BOD1L1: variants seen among roughly 807,000 people sequenced by gnomAD.
BOD1L1 encodes the protein biorientation of chromosomes in cell division protein 1-like 1.
BOD1L1 carries 86 observed loss-of-function variants against 240.7 expected under a neutral mutation model. The observed-to-expected ratio is 0.36, with a 90% CI of 0.30 to 0.43. The LOEUF is 0.43. Ranked by LOEUF, BOD1L1 falls within the 20% of genes least tolerant of loss-of-function variation. The probability of loss-of-function intolerance (pLI) is 1.00; values close to 1 mark genes in which losing one functional copy is unlikely to be tolerated. For synonymous variants in BOD1L1, 1,268 were observed against 1,272.3 expected (o/e 1.00, Z 0.07); for missense variants, 3,554 against 3,643.5 (o/e 0.98, Z 0.63).
rs1423023706 is a variant in BOD1L1, at chr4:13,599,022, G to A, written c.7878C>T (p.Asn2626=). The A allele has an allele frequency of 4.3e-6, 7 of 1,613,778 alleles. No individual in the cohort carries two copies. In the African/African-American group the frequency reaches 9.3e-5, roughly 22 times the overall value. The change falls in exon 10 of 26, where the codon AAC becomes AAT. Residue 2626 remains asparagine, a synonymous_variant. Transcript: ENST00000040738. ...QASAEKTGDD[N]STRKSFPEEG... ...CCTCAGGGAATGATTTCCTTGTGCTGTTATCATCTCCTGTTTTCTCAGCAG... is the reference window on the plus strand; with the variant it reads ...CCTCAGGGAATGATTTCCTTGTGCTATTATCATCTCCTGTTTTCTCAGCAG...
Position 13,603,614 on chromosome 4 carries a change from T to C in BOD1L1, c.3286A>G (p.Thr1096Ala), listed in dbSNP as rs371281244. Residue 1096 changes from threonine (T) to alanine (A), a missense_variant, in exon 10 of 26, where the codon ACT becomes GCT. This residue lies in a region of BOD1L1 where 3,393 missense variants were observed against 3,427.1 expected (regional missense o/e 0.99). Transcript: ENST00000040738. ...EEKLAANTLSTPSGSSLQRPK... is the reference protein window; with the variant it reads ...EEKLAANTLSAPSGSSLQRPK... ...CTCTGAAGGGAGGAACCGCTGGGAGTGCTCAAAGTGTTTGCTGCTAATTTT... is the reference window on the plus strand; with the variant it reads ...CTCTGAAGGGAGGAACCGCTGGGAGCGCTCAAAGTGTTTGCTGCTAATTTT... The C allele has an allele frequency of 2.6e-5, 42 of 1,613,876 alleles. No homozygotes were observed. The highest frequency in any genetic ancestry group is 3.5e-5 in the Non-Finnish European group (41 of 1,179,824).
intron 1 of BOD1L1, 66 bp downstream of exon 1, chr4:13,627,279 C>T: frequency 1.0e-6 from 1 of 961,292 alleles, no homozygotes; most frequent in Non-Finnish European, 1.3e-6. Flanking sequence ...GAAGCCACTG[C>T]AAAAGAAGCG....
Position 13,603,475 on chromosome 4 carries a change from T to G in BOD1L1, c.3425A>C (p.Asn1142Thr), listed in dbSNP as rs1007382249. The change falls in exon 10 of 26, where the codon AAT (asparagine) becomes ACT (threonine). Residue 1142 changes from asparagine to threonine, a missense_variant. By Grantham distance (65) the Asn-to-Thr change is moderately conservative. This residue lies in a region of BOD1L1 where 3,393 missense variants were observed against 3,427.1 expected (regional missense o/e 0.99). Coordinates refer to ENST00000040738, the MANE Select transcript of BOD1L1 (RefSeq NM_148894.3). ...GTCAATGTCTTGCTGAGAATTATTATTGCGGTTGTCTTGGGTTTTAGATAC... is the reference window on the plus strand; with the variant it reads ...GTCAATGTCTTGCTGAGAATTATTAGTGCGGTTGTCTTGGGTTTTAGATAC... ...FEVSKTQDNRNNNSQQDIDSE... is the reference protein window; with the variant it reads ...FEVSKTQDNRTNNSQQDIDSE... 2.5e-6 allele frequency: 4 copies of G among 1,613,862 alleles called. No individual in the cohort carries two copies. In the Admixed American group the frequency reaches 5.0e-5, roughly 20 times the overall value.
At chr4:13,618,032 C>G (rs1474382503) in intron 2 of BOD1L1, among the ~76,000 whole-genome samples, 1 of 152,154 alleles carries the variant, frequency 6.6e-6, no homozygotes, top group African/African-American at 2.4e-5. Context: ...CTGACACAGC[C>G]ACAAGAACCC....
At chr4:13,587,895 A>G (rs1052711501) in intron 15 of BOD1L1, 124 bp from the exon 16 acceptor site, 5 of 668,738 alleles carry the variant, frequency 7.5e-6, no homozygotes, top group Non-Finnish European at 1.2e-5. Context: ...TTAAAAATCT[A>G]GAACACTTGG....
intron 15 of BOD1L1, 35 bp from the exon 16 acceptor site, chr4:13,587,806 A>G: frequency 7.2e-7 from 1 of 1,382,452 alleles, no homozygotes; most frequent in Non-Finnish European, 1.0e-6. Context: ...AAGGCCATAG[A>G]ATCTTGATTC....
At chr4:13,615,247 C>A in intron 3 of BOD1L1, 65 bp downstream of exon 3, 1 of 1,429,930 alleles carries the variant, frequency 7.0e-7, no homozygotes, top group Non-Finnish European at 9.4e-7. Context: ...AGCCAAGTAT[C>A]CCTAACTTGA....
rs373005624 is a variant in BOD1L1, at chr4:13,601,652, G to A, written c.5248C>T (p.Arg1750Trp). Reference sequence around the variant, plus strand: ...GCACCTGTAACCATGCGTTCCTCCCGGGGCCCTGCTCCAGTTACTGAGCAG... The same window carrying A: ...GCACCTGTAACCATGCGTTCCTCCCAGGGCCCTGCTCCAGTTACTGAGCAG... ...VICSVTGAGP[R>W]EERMVTGAGV... The change falls in exon 10 of 26, where the codon CGG becomes TGG. Residue 1750 changes from arginine (R) to tryptophan (W), a missense_variant. Physicochemically the swap from Arg to Trp is moderately radical, Grantham distance 101. Around this residue, in one of 2 missense-constraint regions of BOD1L1, gnomAD observed 3,393 missense variants for 3,427.1 expected, o/e 0.99. Coordinates refer to ENST00000040738, the MANE Select transcript of BOD1L1 (RefSeq NM_148894.3). 1.1e-4 allele frequency: 185 copies of A among 1,613,742 alleles called. No individual in the cohort carries two copies. Among genetic ancestry groups the A allele is most frequent in the Non-Finnish European group, 1.4e-4 (166 of 1,179,870 alleles).
chr4:13,622,464 A>G (rs987296607), intron 1 of BOD1L1, among the ~76,000 whole-genome samples: 3 of 152,204 alleles, frequency 2.0e-5, no homozygotes, highest in African/African-American at 7.2e-5. Context: ...ACACACATAT[A>G]TTACACATAC....
chr4:13,573,120 C>T (rs919230336), intron 25 of BOD1L1, among the ~76,000 whole-genome samples: 8 of 151,834 alleles, frequency 5.3e-5, no homozygotes, highest in Non-Finnish European at 7.4e-5. Context: ...ATATACTGGC[C>T]GACAAAATAA....
rs762223239 is a variant in BOD1L1, at chr4:13,599,195, T to G, written c.7705A>C (p.Lys2569Gln). The change falls in exon 10 of 26, where the codon AAA (lysine) becomes CAA (glutamine). Residue 2569 changes from lysine to glutamine, a missense_variant. Physicochemically the swap from Lys to Gln is moderately conservative, Grantham distance 53. Coordinates refer to ENST00000040738, the MANE Select transcript of BOD1L1 (RefSeq NM_148894.3). ...TTTGATTCTTGGCCAGTAATACATT[T>G]GGTGGTACTGGTTTTCAAGTTGTCT... ...SEDNLKTSTT[K>Q]CITGQESKIA... The G allele has an allele frequency of 6.2e-7, 1 of 1,614,002 alleles. No homozygotes were observed. Among genetic ancestry groups the G allele is most frequent in the South Asian group, 1.1e-5 (1 of 91,086 alleles).
intron 1 of BOD1L1, among the ~76,000 whole-genome samples, chr4:13,626,981 G>T (rs555927406): frequency 1.2e-4 from 19 of 152,252 alleles, no homozygotes; most frequent in African/African-American, 4.3e-4. Context: ...TTACCGCCCA[G>T]AAACCTTCAA....
At chr4:13,616,943 AC>A (rs1293731691) in intron 2 of BOD1L1, among the ~76,000 whole-genome samples, 1 of 152,210 alleles carries the variant, frequency 6.6e-6, no homozygotes, top group Non-Finnish European at 1.5e-5. Context: ...GTTTTAGGGT[AC>A]AAGTAAAAAG....
At chr4:13,576,179 C>A (rs183463124) in intron 25 of BOD1L1, among the ~76,000 whole-genome samples, 5 of 151,722 alleles carry the variant, frequency 3.3e-5, no homozygotes, top group Non-Finnish European at 7.4e-5. Flanking sequence ...GGATTACAGG[C>A]GTGAGTCACC....
At chr4:13,619,240 T>C (rs528354224) in intron 2 of BOD1L1, among the ~76,000 whole-genome samples, 9 of 149,258 alleles carry the variant, frequency 6.0e-5, no homozygotes, top group African/African-American at 2.2e-4. Flanking sequence ...GCCCAGGAGA[T>C]TGAGGCTGCA....
At chr4:13,615,087 T>C (rs984223908) in intron 3 of BOD1L1, among the ~76,000 whole-genome samples, 3 of 152,338 alleles carry the variant, frequency 2.0e-5, no homozygotes, top group Admixed American at 6.5e-5. Flanking sequence ...AGTTATTCCT[T>C]CTATTATCAT....
chr4:13,587,300 G>A (rs1030848414), intron 16 of BOD1L1, among the ~76,000 whole-genome samples: 1 of 152,194 alleles, frequency 6.6e-6, no homozygotes, highest in Non-Finnish European at 1.5e-5. Flanking sequence ...AGAGGGCACC[G>A]TTACAGACCA....
chr4:13,617,634 T>C (rs1716716031), intron 2 of BOD1L1, among the ~76,000 whole-genome samples: 1 of 152,208 alleles, frequency 6.6e-6, no homozygotes, highest in Non-Finnish European at 1.5e-5. Context: ...TCAGATTCTG[T>C]TGTACAAATA....
At position 13,602,914 on chromosome 4, in the gene BOD1L1, C is replaced by G. The variant is rs1363739903; in HGVS notation, c.3986G>C (p.Ser1329Thr). Residue 1329 changes from serine to threonine, a missense_variant, in exon 10 of 26, where the codon AGT becomes ACT. Around this residue, in one of 2 missense-constraint regions of BOD1L1, gnomAD observed 3,393 missense variants for 3,427.1 expected, o/e 0.99. Transcript: ENST00000040738. ...GACTTCTGATTCCCTAACAGTCAGA[C>G]TTTGGTTAGGGAGAGCAGAGTGATC... ...PADHSALPNQ[S>T]LTVRESEVLK... The G allele has an allele frequency of 2.5e-6, 4 of 1,614,032 alleles. No homozygotes were observed. The highest frequency in any genetic ancestry group is 3.3e-5 in the Admixed American group (2 of 60,022).
Sources: gnomAD v4.1 joint callset for allele counts (sites outside exome capture counted in the v4.1 genomes callset) on GRCh38, gnomAD v4.1.1 for gene constraint, gnomAD v4.1.1 regional missense constraint, MANE v1.5 for transcripts, NCBI Gene and HGNC (gene_info 2026-07-23, HGNC 2026-07-21) for gene names.